ST8SIA3: variants seen among roughly 807,000 people sequenced by gnomAD.
ST8SIA3 encodes ST8 alpha-N-acetyl-neuraminide alpha-2,8-sialyltransferase 3.
Under a neutral mutation model 34.5 loss-of-function variants are expected in ST8SIA3, and 17 were observed. The ratio of observed to expected loss-of-function variants is 0.49; its 90% CI spans 0.34 to 0.74. The LOEUF (loss-of-function observed/expected upper bound fraction) is 0.74. ST8SIA3 is among the 30% of genes least tolerant of loss of function. The probability of loss-of-function intolerance (pLI) is 0.01; values close to 1 mark genes in which losing one functional copy is unlikely to be tolerated. For synonymous variants in ST8SIA3, 172 were observed against 176.1 expected (o/e 0.98, Z 0.19); for missense variants, 354 against 467.8 (o/e 0.76, Z 2.24).
At chr18:57,359,378 G>A (rs1266900267) in intron 3 of ST8SIA3, among the ~76,000 whole-genome samples, 1 of 152,096 alleles carries the variant, frequency 6.6e-6, no homozygotes, top group Non-Finnish European at 1.5e-5. Flanking sequence ...CTGAAGATGG[G>A]CTTGGGAACC....
At chr18:57,358,696 G>T (rs544751964) in intron 3 of ST8SIA3, among the ~76,000 whole-genome samples, 5 of 152,258 alleles carry the variant, frequency 3.3e-5, no homozygotes, top group African/African-American at 1.2e-4. Flanking sequence ...AAGTGGTGAT[G>T]TAGCCCAGCT....
chr18:57,359,635 A>G (rs1039746365), intron 3 of ST8SIA3, among the ~76,000 whole-genome samples: 1 of 151,928 alleles, frequency 6.6e-6, no homozygotes, highest in African/African-American at 2.4e-5. Flanking sequence ...GAGCCACACC[A>G]CTCTTTAGAA....
chr18:57,361,923 C>T lies in ST8SIA3; in HGVS notation c.*1646C>T, dbSNP rs2049833386. On this transcript the variant is annotated 3_prime_UTR_variant, in exon 4 of 4. Transcript: ENST00000324000. Reference sequence around the variant, plus strand: ...TTGCCCCTCTTTAGGAAGGTAAGATCATGCCTAAAATTAAACCGAATATGG... The same window carrying T: ...TTGCCCCTCTTTAGGAAGGTAAGATTATGCCTAAAATTAAACCGAATATGG... 6.6e-6 allele frequency: 1 copy of T among 152,192 alleles called. No homozygotes were observed. The highest frequency in any genetic ancestry group is 1.5e-5 in the Non-Finnish European group (1 of 68,036). The allele number at this position is 152,192 out of a possible 1,614,324, so 9.4% of individuals were successfully genotyped here. A position where few individuals can be genotyped will look rare whatever the true frequency, so the allele number is the denominator to read the frequency against.
At chr18:57,354,808 C>A (rs1441922405) in intron 2 of ST8SIA3, among the ~76,000 whole-genome samples, 17 of 150,368 alleles carry the variant, frequency 1.1e-4, no homozygotes, top group Admixed American at 1.1e-3. Context: ...GATTGAGCAC[C>A]ATGATTTACA....
Position 57,352,767 on chromosome 18 carries a change from C to CACACAT in ST8SIA3, c.-77_-76insCATACA, listed in dbSNP as rs753057146. ...ACACACACACACACACACACACACA[C>CACACAT]ACATATATACACGCCAGCGAGCTGC... On this transcript the variant is annotated 5_prime_UTR_variant, in exon 1 of 4. Coordinates refer to ENST00000324000, the MANE Select transcript of ST8SIA3 (RefSeq NM_015879.3). 4.7e-6 allele frequency: 5 copies of CACACAT among 1,053,880 alleles called. No individual in the cohort carries two copies. The highest frequency in any genetic ancestry group is 1.8e-5 in the Admixed American group (1 of 54,060). 65.3% of individuals were successfully genotyped at this position (1,053,880 alleles called of 1,614,324 possible).
intron 1 of ST8SIA3, 89 bp from the exon 2 acceptor site, chr18:57,354,313 C>T (rs576947032): frequency 5.1e-6 from 8 of 1,564,282 alleles, no homozygotes; most frequent in South Asian, 4.5e-5. Context: ...GTACCAGCCG[C>T]CCTCGCCCCA....
At chr18:57,355,480 T>A (rs2049793686) in intron 2 of ST8SIA3, among the ~76,000 whole-genome samples, 1 of 152,214 alleles carries the variant, frequency 6.6e-6, no homozygotes, top group Non-Finnish European at 1.5e-5. Flanking sequence ...ATTCATGGTC[T>A]CATGAAAATA....
chr18:57,353,081 G>A (rs950220766), intron 1 of ST8SIA3, 56 bp downstream of exon 1: 2 of 1,574,382 alleles, frequency 1.3e-6, no homozygotes, highest in African/African-American at 2.7e-5. Context: ...GGGGTGTTTG[G>A]GGAAGGGAAG....
chr18:57,359,101 A>G (rs1168292309), intron 3 of ST8SIA3, among the ~76,000 whole-genome samples: 1 of 152,144 alleles, frequency 6.6e-6, no homozygotes, highest in Non-Finnish European at 1.5e-5. Flanking sequence ...CGGGCCTCAA[A>G]AAAATACATG....
rs963590415 is a variant in ST8SIA3, at chr18:57,361,997, T to A, written c.*1720T>A. ...CTCACGTTCTGCCTGGTCCTAAACC[T>A]GCCTTATTATTATTTTCAGAAAGCA... On this transcript the variant is annotated 3_prime_UTR_variant, in exon 4 of 4. Coordinates refer to ENST00000324000, the MANE Select transcript of ST8SIA3 (RefSeq NM_015879.3). 6.6e-6 allele frequency: 1 copy of A among 152,224 alleles called. No homozygotes were observed. Among genetic ancestry groups the A allele is most frequent in the African/African-American group, 2.4e-5 (1 of 41,466 alleles). 9.4% of individuals were successfully genotyped at this position (152,224 alleles called of 1,614,324 possible).
Position 57,356,928 on chromosome 18 carries a change from G to C in ST8SIA3, c.318G>C (p.Gln106His). The C allele has an allele frequency of 6.3e-7, 1 of 1,593,290 alleles. No homozygotes were observed. Among genetic ancestry groups the C allele is most frequent in the Non-Finnish European group, 8.6e-7 (1 of 1,168,718 alleles). ...TTTATTTTAGGCAAGAAATTCTTCA[G>C]CATGTCGATGTAATAAAAAATTTTT... ...AFLHQRQEIL[Q>H]HVDVIKNFSL... The change falls in exon 3 of 4, where the codon CAG (glutamine) becomes CAC (histidine). Residue 106 changes from glutamine (Q) to histidine (H), a missense_variant. By Grantham distance (24) the Gln-to-His change is conservative (BLOSUM62 0). Around this residue, in one of 3 missense-constraint regions of ST8SIA3, gnomAD observed 184 missense variants for 205.4 expected, o/e 0.90. Transcript: ENST00000324000.
chr18:57,363,894 T>C lies in ST8SIA3; in HGVS notation c.*3617T>C, dbSNP rs2049846528. On this transcript the variant is annotated 3_prime_UTR_variant, in exon 4 of 4. Coordinates refer to ENST00000324000, the MANE Select transcript of ST8SIA3 (RefSeq NM_015879.3). The stretch of plus-strand genomic sequence containing the variant: ...ATGACACTGTCAATTAGTGGAGAAA[T>C]TATGATTCCTCCTCTAGTACTTCTT... 1 of 152,120 alleles carries C rather than the reference T, an allele frequency of 6.6e-6. No individual in the cohort carries two copies. The highest frequency in any genetic ancestry group is 2.1e-4 in the South Asian group (1 of 4,824). The allele number at this position is 152,120 out of a possible 1,614,324, so 9.4% of individuals were successfully genotyped here.
At position 57,364,961 on chromosome 18, in the gene ST8SIA3, A is replaced by G. The variant is rs2049852303; in HGVS notation, c.*4684A>G. 6.6e-6 allele frequency: 1 copy of G among 152,214 alleles called. No homozygotes were observed. Among genetic ancestry groups the G allele is most frequent in the Non-Finnish European group, 1.5e-5 (1 of 68,032 alleles). 9.4% of individuals were successfully genotyped at this position (152,214 alleles called of 1,614,324 possible). On this transcript the variant is annotated 3_prime_UTR_variant, in exon 4 of 4. Coordinates refer to ENST00000324000, the MANE Select transcript of ST8SIA3 (RefSeq NM_015879.3). Reference sequence around the variant, plus strand: ...AGCCTATTCTCTTGTTGTTGATGACAGTGGCATCAGAGTGAAGAGTTGTTG... The same window carrying G: ...AGCCTATTCTCTTGTTGTTGATGACGGTGGCATCAGAGTGAAGAGTTGTTG...
At position 57,354,574 on chromosome 18, in the gene ST8SIA3, TCAAAA is replaced by T. The variant is rs564372326; in HGVS notation, c.302+66_302+70del. The T allele has an allele frequency of 3.6e-4, 582 of 1,603,828 alleles. 1 individual carries two copies. Among genetic ancestry groups the T allele is most frequent in the South Asian group, 1.7e-3 (155 of 90,004 alleles). On this transcript the variant is annotated intron_variant, in intron 2 of 3. Transcript: ENST00000324000. ...AAGGTGCTTTTAAGAATTCAAGAGC[TCAAAA>T]CAAAACAAAACAAAAACAAGCAAAC...
Position 57,352,859 on chromosome 18 carries a change from A to C in ST8SIA3, c.13A>C (p.Lys5Gln), listed in dbSNP as rs779631497. ...AGCCCAGCCCGGGATGAGAAACTGC[A>C]AAATGGCCCGGGTCGCCAGTGTGCT... Reference protein sequence around the residue: MRNCKMARVASVLGL... With the variant: MRNCQMARVASVLGL... The change falls in exon 1 of 4, where the codon AAA becomes CAA. Residue 5 changes from lysine (K) to glutamine (Q), a missense_variant. Lys to Gln is a moderately conservative substitution (Grantham distance 53, BLOSUM62 1). Transcript: ENST00000324000. 6.2e-7 allele frequency: 1 copy of C among 1,613,590 alleles called. No homozygotes were observed. The highest frequency in any genetic ancestry group is 8.5e-7 in the Non-Finnish European group (1 of 1,179,952).
chr18:57,354,677 C>T (rs765396206), intron 2 of ST8SIA3, among the ~76,000 whole-genome samples, 153 bp downstream of exon 2: 10 of 151,856 alleles, frequency 6.6e-5, no homozygotes, highest in Non-Finnish European at 1.2e-4. Context: ...GTTTTCTTGG[C>T]ATGACTGCAC....
At position 57,354,570 on chromosome 18, in the gene ST8SIA3, G is replaced by C. The variant is rs536817245; in HGVS notation, c.302+46G>C. 4.7e-5 allele frequency: 75 copies of C among 1,608,534 alleles called. 2 individuals carry two copies. The South Asian group carries it at 7.7e-4, about 17-fold the overall frequency. On this transcript the variant is annotated intron_variant, in intron 2 of 3. Transcript: ENST00000324000. ...CCAAAAGGTGCTTTTAAGAATTCAAGAGCTCAAAACAAAACAAAACAAAAA... is the reference window on the plus strand; with the variant it reads ...CCAAAAGGTGCTTTTAAGAATTCAACAGCTCAAAACAAAACAAAACAAAAA...
rs1395672241 is a variant in ST8SIA3 at position 57,368,660 on chromosome 18, TGC to T, written c.*8384_*8385del. ...GCCTCGCCTGCCCTTGGAAACAAGC[TGC>T]CAGAATGTGAGGGCCACAGAGACCC... is the stretch of plus-strand genomic sequence containing the variant. On this transcript the variant is annotated 3_prime_UTR_variant, in exon 4 of 4. Coordinates refer to ENST00000324000, the MANE Select transcript of ST8SIA3 (RefSeq NM_015879.3). The T allele has an allele frequency of 1.3e-5, 2 of 152,178 alleles. No homozygotes were observed. Among genetic ancestry groups the T allele is most frequent in the Non-Finnish European group, 2.9e-5 (2 of 68,032 alleles). 9.4% of individuals were successfully genotyped at this position (152,178 alleles called of 1,614,324 possible). A position where few individuals can be genotyped will look rare whatever the true frequency, so the allele number is the denominator to read the frequency against.
Position 57,352,665 on chromosome 18 carries a change from CCCCCGGCCCCGGTGGCCTCCCCCCA to C in ST8SIA3, c.-177_-153del, listed in dbSNP as rs2049769647. On this transcript the variant is annotated 5_prime_UTR_variant, in exon 1 of 4. Coordinates refer to ENST00000324000, the MANE Select transcript of ST8SIA3 (RefSeq NM_015879.3). ...TCTCCGGGGCTCCTGCCAGCCCCAACCCCCGGCCCCGGTGGCCTCCCCCCACCCCCGCCCGGGTCCCCCTCCTCCG... is the reference window on the plus strand; with the variant it reads ...TCTCCGGGGCTCCTGCCAGCCCCAACCCCCCGCCCGGGTCCCCCTCCTCCG... The C allele has an allele frequency of 9.6e-6, 4 of 416,274 alleles. No homozygotes were observed. Among genetic ancestry groups the C allele is most frequent in the African/African-American group, 8.5e-5 (4 of 47,208 alleles). The allele number at this position is 416,274 out of a possible 1,614,324, so 25.8% of individuals were successfully genotyped here.
Sources: allele counts gnomAD v4.1 joint callset (sites outside exome capture counted in the v4.1 genomes callset), GRCh38; gene constraint gnomAD v4.1.1; regional missense constraint gnomAD v4.1.1; transcripts MANE v1.5; gene names NCBI Gene and HGNC (gene_info 2026-07-23, HGNC 2026-07-21).